The following ST3GAL3 variants were observed in gnomAD, a reference collection of about 807,000 sequenced individuals.
The protein encoded by ST3GAL3 is ST3 beta-galactoside alpha-2,3-sialyltransferase 3, also known as CMP-N-acetylneuraminate-beta-1,4-galactoside alpha-2,3-sialyltransferase.
Under a neutral mutation model 50.1 loss-of-function variants are expected in ST3GAL3, and 21 were observed. The observed-to-expected ratio is 0.42, with a 90% CI of 0.30 to 0.60. The LOEUF is 0.60. Ranked by LOEUF, ST3GAL3 falls within the 20% of genes least tolerant of loss-of-function variation. ST3GAL3 has a pLI of 0.19. For synonymous variants in ST3GAL3, 183 were observed against 190.0 expected, an observed-to-expected ratio of 0.96 and a Z score of 0.30; for missense variants, 353 against 489.4, an observed-to-expected ratio of 0.72 and a Z score of 2.63.
chr1:43,911,567 C>A (rs2080860769), intron 9 of ST3GAL3, among the ~76,000 whole-genome samples: 1 of 151,124 alleles, frequency 6.6e-6, no homozygotes. Context: ...ATAGACATAT[C>A]TGTAGCTATA....
At chr1:43,923,694 T>C (rs970123816) in intron 11 of ST3GAL3, among the ~76,000 whole-genome samples, 2 of 152,080 alleles carry the variant, frequency 1.3e-5, no homozygotes, top group African/African-American at 2.4e-5. Flanking sequence ...TAGCTCACTG[T>C]AGCCATAAAC....
At chr1:43,789,706 T>TA (rs1372908884) in intron 2 of ST3GAL3, among the ~76,000 whole-genome samples, 4 of 151,680 alleles carry the variant, frequency 2.6e-5, no homozygotes, top group South Asian at 2.1e-4. Flanking sequence ...TGCTCATCTC[T>TA]AAAAAAAATT....
At chr1:43,839,632 T>C (rs1279528846) in intron 5 of ST3GAL3, 1 of 152,222 alleles carries the variant, frequency 6.6e-6, no homozygotes, top group Non-Finnish European at 1.5e-5. Flanking sequence ...TATTCTGTAC[T>C]GTGTATTAGG....
chr1:43,829,796 C>T (rs958285398), intron 4 of ST3GAL3, among the ~76,000 whole-genome samples: 17 of 151,976 alleles, frequency 1.1e-4, no homozygotes, highest in Admixed American at 6.6e-4. Flanking sequence ...TAATAGTGGT[C>T]GTACTTATAC....
chr1:43,902,986 A>T (rs1019341927), intron 9 of ST3GAL3, among the ~76,000 whole-genome samples: 3 of 152,222 alleles, frequency 2.0e-5, no homozygotes, highest in Admixed American at 1.3e-4. Flanking sequence ...GGAAGGCCTA[A>T]TGCAGCTCTG....
Position 43,920,385 on chromosome 1 carries a change from G to A in ST3GAL3, c.745-19G>A, listed in dbSNP as rs756374156. 96 of 1,613,912 alleles carry A rather than the reference G, an allele frequency of 5.9e-5. 1 individual carries two copies. In the East Asian group the frequency reaches 2.0e-3, roughly 33 times the overall value. On this transcript the variant is annotated intron_variant, in intron 9 of 11. Transcript: ENST00000347631. The stretch of plus-strand genomic sequence containing the variant: ...CTTGCTGTGTGCCTCGTTGAGGCCC[G>A]CTTTTGCTGTGTCCACAGAGTGCAT...
intron 1 of ST3GAL3, among the ~76,000 whole-genome samples, chr1:43,716,297 C>G (rs1430548182): frequency 6.6e-6 from 1 of 152,178 alleles, no homozygotes; most frequent in Non-Finnish European, 1.5e-5. Context: ...AAACTGAGAA[C>G]AACAACATTT....
At chr1:43,736,878 G>A (rs142977314) in intron 2 of ST3GAL3, 10 of 236,882 alleles carry the variant, frequency 4.2e-5, no homozygotes, top group Admixed American at 1.0e-4. Flanking sequence ...TATTGAACTT[G>A]CACCTGGCTA....
chr1:43,868,038 T>C (rs1422625770), intron 5 of ST3GAL3, among the ~76,000 whole-genome samples: 1 of 152,250 alleles, frequency 6.6e-6, no homozygotes, highest in African/African-American at 2.4e-5. Flanking sequence ...CATACAAAAG[T>C]AATCATATCT....
At chr1:43,876,104 A>T (rs181745327) in intron 5 of ST3GAL3, among the ~76,000 whole-genome samples, 198 of 151,872 alleles carry the variant, frequency 1.3e-3, no homozygotes, top group African/African-American at 4.6e-3. Context: ...AGTCGTTGGG[A>T]TTACCTTGCC....
intron 9 of ST3GAL3, among the ~76,000 whole-genome samples, chr1:43,903,133 C>T (rs559822041): frequency 1.3e-5 from 2 of 152,260 alleles, no homozygotes; most frequent in African/African-American, 4.8e-5. Context: ...AGACCACGCT[C>T]CCTTCAGGAA....
chr1:43,815,034 G>A, intron 4 of ST3GAL3, 101 bp downstream of exon 4: 7 of 1,217,336 alleles, frequency 5.8e-6, no homozygotes, highest in Non-Finnish European at 8.5e-6. Flanking sequence ...CTGGTGACTG[G>A]GGGACTCCCT....
In ST3GAL3 at chr1:43,925,012, G is replaced by A. The variant is rs540165638; in HGVS notation, c.1038+4084G>A. Among the ~76,000 whole-genome samples, 5 of 152,202 alleles carry A rather than the reference G, an allele frequency of 3.3e-5. No individual in the cohort carries two copies. The East Asian group carries it at 5.8e-4, about 18-fold the overall frequency. On this transcript the variant is annotated intron_variant, in intron 11 of 11. Transcript: ENST00000347631. ...TGCTTAAGAGTGTGGCTTCTTGGCC[G>A]GGCACAGTAGCTCATGCCTGTAATC...
intron 2 of ST3GAL3, among the ~76,000 whole-genome samples, chr1:43,763,253 G>A (rs1377937848): frequency 1.3e-5 from 2 of 152,162 alleles, no homozygotes; most frequent in African/African-American, 4.8e-5. Context: ...AAAGATTTCT[G>A]AAATATACTG....
chr1:43,724,418 C>A (rs142701014), intron 1 of ST3GAL3, among the ~76,000 whole-genome samples: 3,200 of 149,968 alleles, frequency 0.021, 119 homozygotes, highest in African/African-American at 0.076. Context: ...GGGGTTTCGC[C>A]ATGTTGCCCA....
chr1:43,731,015 A>G (rs1192872294), intron 1 of ST3GAL3, among the ~76,000 whole-genome samples: 1 of 151,952 alleles, frequency 6.6e-6, no homozygotes, highest in East Asian at 1.9e-4. Context: ...TCTTTTATGT[A>G]TGTACTAGAT....
At chr1:43,839,515 C>G (rs1352955990) in intron 5 of ST3GAL3, 1 of 152,022 alleles carries the variant, frequency 6.6e-6, no homozygotes, top group Non-Finnish European at 1.5e-5. Flanking sequence ...GGAAACAAAA[C>G]AAAACAAAAA....
chr1:43,735,518 A>T (rs1455774614), intron 1 of ST3GAL3, among the ~76,000 whole-genome samples: 1 of 152,200 alleles, frequency 6.6e-6, no homozygotes, highest in East Asian at 1.9e-4. Flanking sequence ...CCAGCCGGGA[A>T]ACGGGGGCCT....
intron 1 of ST3GAL3, among the ~76,000 whole-genome samples, chr1:43,731,378 A>ATTTTT (rs4019073): frequency 2.9e-5 from 2 of 69,854 alleles, no homozygotes; most frequent in African/African-American, 5.5e-5. Context: ...CACCCAGCTA[A>ATTTTT]TTTTTTTTTT....
Sources: gnomAD v4.1 joint callset for allele counts (sites outside exome capture counted in the v4.1 genomes callset) on GRCh38, gnomAD v4.1.1 for gene constraint, MANE v1.5 for transcripts, NCBI Gene and HGNC (gene_info 2026-07-23, HGNC 2026-07-21) for gene names.